Variants in SORCS3 observed in about 807,000 individuals in gnomAD.
SORCS3 encodes sortilin related VPS10 domain containing receptor 3.
Under a neutral mutation model 146.3 loss-of-function variants are expected in SORCS3, and 57 were observed. The observed-to-expected ratio is 0.39, with a 90% confidence interval of 0.31 to 0.49. SORCS3 has a LOEUF of 0.49. Ranked by LOEUF, SORCS3 falls within the 20% of genes least tolerant of loss-of-function variation. The pLI is 0.92. For missense variants in SORCS3, 1,341 were observed against 1,575.5 expected (o/e 0.85, Z 2.52); for synonymous variants, 653 against 618.5 (o/e 1.06, Z -0.83).
At chr10:105,091,333 T>C (rs1172532419) in intron 6 of SORCS3, among the ~76,000 whole-genome samples, 115 of 78,142 alleles carry the variant, frequency 1.5e-3, no homozygotes, top group East Asian at 2.6e-3. Context: ...CCTTCCTTGC[T>C]TCCTTCCTTC....
intron 7 of SORCS3, among the ~76,000 whole-genome samples, chr10:105,136,403 G>T (rs2133776073): frequency 6.6e-6 from 1 of 152,234 alleles, no homozygotes. Context: ...TGTCCTCAAG[G>T]CCCCACCTCT....
chr10:104,650,966 C>T (rs2015551682), intron 1 of SORCS3, among the ~76,000 whole-genome samples: 1 of 152,156 alleles, frequency 6.6e-6, no homozygotes, highest in Non-Finnish European at 1.5e-5. Flanking sequence ...AAAATCTGTT[C>T]TCAGTGGGAG....
At chr10:104,893,339 G>A (rs1369488828) in intron 2 of SORCS3, among the ~76,000 whole-genome samples, 4 of 152,138 alleles carry the variant, frequency 2.6e-5, no homozygotes, top group African/African-American at 7.2e-5. Context: ...AAGGGTAGTC[G>A]GTCTCCCAGG....
At chr10:104,708,043 G>C (rs146887637) in intron 1 of SORCS3, among the ~76,000 whole-genome samples, 2 of 152,280 alleles carry the variant, frequency 1.3e-5, no homozygotes, top group African/African-American at 4.8e-5. Flanking sequence ...TGACAAAGGG[G>C]CTGGTTTTCT....
At chr10:105,248,367 C>T (rs1161904095) in intron 22 of SORCS3, among the ~76,000 whole-genome samples, 2 of 152,254 alleles carry the variant, frequency 1.3e-5, no homozygotes, top group African/African-American at 2.4e-5. Flanking sequence ...GGAGAGAATA[C>T]TTGAACTGTG....
chr10:104,675,981 C>G (rs796894162), intron 1 of SORCS3, among the ~76,000 whole-genome samples: 7 of 152,252 alleles, frequency 4.6e-5, no homozygotes, highest in African/African-American at 1.7e-4. Flanking sequence ...CTTAATTTCT[C>G]TCAGCAGTGT....
intron 19 of SORCS3, among the ~76,000 whole-genome samples, chr10:105,217,999 C>T (rs1038646027): frequency 6.6e-6 from 1 of 152,118 alleles, no homozygotes; most frequent in African/African-American, 2.4e-5. Flanking sequence ...ATCATAAGTT[C>T]TGAAAGAGTC....
intron 5 of SORCS3, among the ~76,000 whole-genome samples, chr10:105,062,805 C>T (rs1398369684): frequency 6.6e-6 from 1 of 152,336 alleles, no homozygotes; most frequent in South Asian, 2.1e-4. Context: ...TGACTGTCCT[C>T]CATGGCCTGG....
intron 7 of SORCS3, among the ~76,000 whole-genome samples, chr10:105,121,130 A>G (rs1012208870): frequency 4.6e-5 from 7 of 152,134 alleles, no homozygotes; most frequent in African/African-American, 1.4e-4. Context: ...ACTATTTGGA[A>G]ATCAATTTCC....
intron 4 of SORCS3, among the ~76,000 whole-genome samples, chr10:105,040,609 G>C (rs2055332437): frequency 6.6e-6 from 1 of 152,138 alleles, no homozygotes; most frequent in Non-Finnish European, 1.5e-5. Context: ...TGTATATGAA[G>C]ATCAGGGAGA....
At chr10:104,915,761 T>G in intron 2 of SORCS3, 72 bp from the exon 3 acceptor site, 1 of 1,303,044 alleles carries the variant, frequency 7.7e-7, no homozygotes, top group Non-Finnish European at 1.1e-6. Flanking sequence ...AGGGAGAACC[T>G]GGCTTCCCTT....
intron 1 of SORCS3, among the ~76,000 whole-genome samples, chr10:104,711,420 A>T (rs954550497): frequency 5.3e-5 from 8 of 152,200 alleles, no homozygotes; most frequent in African/African-American, 1.7e-4. Flanking sequence ...TTATCTTTAC[A>T]TGAGAAAACT....
chr10:104,752,699 A>AAGGG (rs1413292042), intron 1 of SORCS3, among the ~76,000 whole-genome samples: 1 of 152,194 alleles, frequency 6.6e-6, no homozygotes, highest in East Asian at 1.9e-4. Context: ...TGATTCCTTT[A>AAGGG]AATGGAATTC....
chr10:105,099,805 T>C (rs791111), intron 6 of SORCS3, among the ~76,000 whole-genome samples: 24,168 of 152,114 alleles, frequency 0.16, 2,126 homozygotes, highest in Middle Eastern at 0.2. Context: ...CTCCATCTCT[T>C]CTCCCACATT....
chr10:104,922,731 A>G (rs1363320894), intron 3 of SORCS3, among the ~76,000 whole-genome samples: 1 of 152,092 alleles, frequency 6.6e-6, no homozygotes, highest in African/African-American at 2.4e-5. Context: ...GCTGTACCAA[A>G]TCTACTGTTA....
intron 17 of SORCS3, among the ~76,000 whole-genome samples, chr10:105,212,293 G>A (rs867232686): frequency 3.3e-5 from 5 of 152,168 alleles, no homozygotes; most frequent in African/African-American, 1.2e-4. Context: ...AAGGATCTTT[G>A]CTGTTATTTA....
intron 12 of SORCS3, among the ~76,000 whole-genome samples, chr10:105,165,260 T>C (rs1247788856): frequency 2.6e-5 from 4 of 152,076 alleles, no homozygotes; most frequent in Non-Finnish European, 5.9e-5. Flanking sequence ...AATAATATTT[T>C]AGTGGCATTA....
rs1165735331 is a variant in SORCS3, at chr10:104,921,501, C to CTGTG, written c.795+5570_795+5571insGTGT. The stretch of plus-strand genomic sequence containing the variant: ...GAGGTACATGTCTCTCTCTCTCTCT[C>CTGTG]TCTGTGTGTGTGTGTGTGTGTGTGT... On this transcript the variant is annotated intron_variant, in intron 3 of 26. Transcript: ENST00000369701. Among the ~76,000 whole-genome samples the CTGTG allele has an allele frequency of 1.1e-4, 14 of 130,108 alleles. No homozygotes were observed. The East Asian group carries it at 2.4e-3, about 22-fold the overall frequency. The allele number at this position is 130,108 out of a possible 152,430, so 85.4% of individuals were successfully genotyped here.
At chr10:104,698,556 C>A (rs548152783) in intron 1 of SORCS3, among the ~76,000 whole-genome samples, 1 of 152,238 alleles carries the variant, frequency 6.6e-6, no homozygotes, top group South Asian at 2.1e-4. Flanking sequence ...CACACACACA[C>A]AAATATGCAT....
Sources: allele counts gnomAD v4.1 joint callset (sites outside exome capture counted in the v4.1 genomes callset), GRCh38; gene constraint gnomAD v4.1.1; transcripts MANE v1.5; gene names NCBI Gene and HGNC (gene_info 2026-07-23, HGNC 2026-07-21).